CTNNA2: variants seen among roughly 807,000 people sequenced by gnomAD.
The protein encoded by CTNNA2 is catenin alpha-2.
In CTNNA2, 42 loss-of-function variants were observed where a neutral mutation model predicts 101.0. The ratio of observed to expected loss-of-function variants is 0.42; its 90% CI spans 0.32 to 0.54. The LOEUF is 0.54. Among genes scored for constraint, CTNNA2 ranks in the 20% least tolerant of loss-of-function variants. The probability of loss-of-function intolerance (pLI) is 0.14; values close to 1 mark genes in which losing one functional copy is unlikely to be tolerated. For synonymous variants in CTNNA2, 450 were observed against 456.4 expected, an observed-to-expected ratio of 0.99 and a Z score of 0.18; for missense variants, 871 against 1,223.1, an observed-to-expected ratio of 0.71 and a Z score of 4.29.
At chr2:80,543,849 G>T (rs562532283) in intron 9 of CTNNA2, among the ~76,000 whole-genome samples, 1 of 152,226 alleles carries the variant, frequency 6.6e-6, no homozygotes, top group East Asian at 1.9e-4. Flanking sequence ...AAAGGCAGGC[G>T]GCCACAAGAC....
intron 2 of CTNNA2, among the ~76,000 whole-genome samples, chr2:79,275,713 T>G (rs1273908996): frequency 6.6e-6 from 1 of 152,114 alleles, no homozygotes; most frequent in Non-Finnish European, 1.5e-5. Flanking sequence ...GTTCATTCAT[T>G]TATTTGAGGA....
At position 80,584,028 on chromosome 2, in the gene CTNNA2, T is replaced by C. The variant is rs957074438; in HGVS notation, c.2007+2209T>C. Among the ~76,000 whole-genome samples, 32 of 152,132 alleles carry C rather than the reference T, an allele frequency of 2.1e-4. 2 individuals carry two copies. On this transcript the variant is annotated intron_variant, in intron 14 of 18. Coordinates refer to ENST00000402739, the MANE Select transcript of CTNNA2 (RefSeq NM_001282597.3). The stretch of plus-strand genomic sequence containing the variant: ...TGAGTCAGCCTATTTTAGCCTGTAA[T>C]TATATGATGACAAATCAGAGACATG...
At chr2:80,525,880 C>T (rs1241512440) in intron 9 of CTNNA2, among the ~76,000 whole-genome samples, 2 of 152,192 alleles carry the variant, frequency 1.3e-5, no homozygotes, top group African/African-American at 4.8e-5. Context: ...CAGGTTCAAA[C>T]ATTGGCTCTG....
intron 9 of CTNNA2, among the ~76,000 whole-genome samples, chr2:80,497,648 G>A (rs896560691): frequency 6.6e-6 from 1 of 152,132 alleles, no homozygotes; most frequent in Non-Finnish European, 1.5e-5. Flanking sequence ...AATATGATGG[G>A]ATAGTCACTG....
At chr2:80,178,992 G>A (rs1383384860) in intron 7 of CTNNA2, among the ~76,000 whole-genome samples, 1 of 152,174 alleles carries the variant, frequency 6.6e-6, no homozygotes, top group African/African-American at 2.4e-5. Context: ...ATGATATCTT[G>A]TGGAAGGGAA....
chr2:79,924,310 T>C (rs746429187), intron 7 of CTNNA2, among the ~76,000 whole-genome samples: 4 of 152,070 alleles, frequency 2.6e-5, no homozygotes, highest in Non-Finnish European at 5.9e-5. Flanking sequence ...GCAGTATAAA[T>C]TGTGTTGTTC....
intron 7 of CTNNA2, among the ~76,000 whole-genome samples, chr2:80,152,932 A>G (rs1703794455): frequency 6.6e-6 from 1 of 152,212 alleles, no homozygotes; most frequent in Non-Finnish European, 1.5e-5. Context: ...CTTCCCTTCA[A>G]GAACTTCAGC....
chr2:79,697,851 G>A (rs1684741757), intron 2 of CTNNA2: 1 of 151,638 alleles, frequency 6.6e-6, no homozygotes, highest in Non-Finnish European at 1.5e-5. Flanking sequence ...CATAATAAGT[G>A]GCATACCACT....
At chr2:79,609,505 G>A (rs1285006178) in intron 1 of CTNNA2, among the ~76,000 whole-genome samples, 1 of 152,004 alleles carries the variant, frequency 6.6e-6, no homozygotes, top group Non-Finnish European at 1.5e-5. Context: ...ACTTCGGAAA[G>A]GTATAAGTAT....
rs148085547 is a variant in CTNNA2, at chr2:80,353,934, T to A, written c.1057-39277T>A. Among the ~76,000 whole-genome samples the A allele has an allele frequency of 4.7e-3, 722 of 152,244 alleles. 7 individuals are homozygous for A. Among genetic ancestry groups the A allele is most frequent in the African/African-American group, 0.017 (690 of 41,558 alleles). ...AAATAAAACAAAACCTCATTCCACA[T>A]GCATTTTTCACTGACACAAGCTCTC... On this transcript the variant is annotated intron_variant, in intron 7 of 18. Coordinates refer to ENST00000402739, the MANE Select transcript of CTNNA2 (RefSeq NM_001282597.3).
At chr2:80,234,666 T>C (rs966505711) in intron 7 of CTNNA2, among the ~76,000 whole-genome samples, 2 of 152,146 alleles carry the variant, frequency 1.3e-5, no homozygotes, top group African/African-American at 4.8e-5. Flanking sequence ...AATTGGAGGA[T>C]ACTGCTGCAG....
At chr2:79,875,635 C>T (rs959903817) in intron 6 of CTNNA2, among the ~76,000 whole-genome samples, 1 of 152,136 alleles carries the variant, frequency 6.6e-6, no homozygotes, top group Non-Finnish European at 1.5e-5. Context: ...ACAGTTCATA[C>T]TCAAATAGTT....
At chr2:79,759,806 A>G (rs1482809773) in intron 3 of CTNNA2, among the ~76,000 whole-genome samples, 1 of 152,212 alleles carries the variant, frequency 6.6e-6, no homozygotes, top group Non-Finnish European at 1.5e-5. Context: ...CAAGCCATAG[A>G]TATTGCTATT....
chr2:80,514,349 G>A (rs1688940147), intron 9 of CTNNA2, among the ~76,000 whole-genome samples: 2 of 152,136 alleles, frequency 1.3e-5, no homozygotes, highest in Non-Finnish European at 2.9e-5. Flanking sequence ...CAGAGGGCAT[G>A]TTACAATGCT....
At chr2:79,963,667 C>G (rs547839925) in intron 7 of CTNNA2, among the ~76,000 whole-genome samples, 1 of 152,138 alleles carries the variant, frequency 6.6e-6, no homozygotes, top group Non-Finnish European at 1.5e-5. Context: ...ACAGGGTACA[C>G]GTCACACCTG....
chr2:80,557,984 A>T (rs3755097), intron 12 of CTNNA2, among the ~76,000 whole-genome samples: 35 of 151,918 alleles, frequency 2.3e-4, no homozygotes, highest in East Asian at 3.9e-4. Context: ...GCTTAACTAA[A>T]GGCACCTTTC....
intron 18 of CTNNA2, among the ~76,000 whole-genome samples, chr2:80,633,595 T>A (rs142705683): frequency 2.0e-5 from 3 of 152,274 alleles, no homozygotes; most frequent in African/African-American, 7.2e-5. Flanking sequence ...AAGCCTATGG[T>A]AGATCTGCCT....
In CTNNA2 at chr2:79,858,199, CA is replaced by C. The variant is rs1288745205; in HGVS notation, c.465+24del. On this transcript the variant is annotated intron_variant, in intron 4 of 18. Coordinates refer to ENST00000402739, the MANE Select transcript of CTNNA2 (RefSeq NM_001282597.3). ...AAAATTGTACGTATGTAGAACTTAT[CA>C]AAACTTTCTTTATGTGAGTGGCAAT... 16 of 1,591,224 alleles carry C rather than the reference CA, an allele frequency of 1.0e-5. No homozygotes were observed. Among genetic ancestry groups the C allele is most frequent in the Non-Finnish European group, 1.4e-5 (16 of 1,160,902 alleles).
intron 9 of CTNNA2, among the ~76,000 whole-genome samples, chr2:80,522,532 G>A (rs1689659084): frequency 6.6e-6 from 1 of 152,148 alleles, no homozygotes; most frequent in South Asian, 2.1e-4. Flanking sequence ...TTGCCGAGTA[G>A]GAATCTTAGT....
Sources: gnomAD v4.1 joint callset for allele counts (sites outside exome capture counted in the v4.1 genomes callset) on GRCh38, gnomAD v4.1.1 for gene constraint, MANE v1.5 for transcripts, NCBI Gene and HGNC (gene_info 2026-07-23, HGNC 2026-07-21) for gene names.